Variants in GPC3 observed in about 807,000 individuals in gnomAD.
GPC3 encodes glypican-3.
Under a neutral mutation model 34.4 loss-of-function variants are expected in GPC3, and 3 were observed. The ratio of observed to expected loss-of-function variants is 0.09; its 90% CI spans 0.04 to 0.23. GPC3 has a LOEUF of 0.23. Among genes scored for constraint, GPC3 ranks in the 10% least tolerant of loss-of-function variants. The pLI, the probability that GPC3 is intolerant of heterozygous loss-of-function variation, is 1.00. For synonymous variants in GPC3, 177 were observed against 174.0 expected, an observed-to-expected ratio of 1.02 and a Z score of -0.13; for missense variants, 351 against 445.6, an observed-to-expected ratio of 0.79 and a Z score of 1.91.
At chrX:133,635,041 G>A (rs1449000012) in intron 6 of GPC3, among the ~76,000 whole-genome samples, 2 of 110,409 alleles carry the variant, frequency 1.8e-5, no homozygotes, top group African/African-American at 6.6e-5. Flanking sequence ...TCATGCCGTC[G>A]GCCAGGAAAC....
rs891893823 is a variant in GPC3 at position 133,822,202 on chromosome X, A to G, written c.338-68026T>C. Among the ~76,000 whole-genome samples, 5 of 112,322 alleles carry G rather than the reference A, an allele frequency of 4.5e-5. No individual in the cohort carries two copies. In the East Asian group the frequency reaches 1.4e-3, roughly 31 times the overall value. On this transcript the variant is annotated intron_variant, in intron 2 of 7. Transcript: ENST00000370818. ...GATACGAATCATTCCTTTGCCCAGC[A>G]TATCCACACTGTATATACTACTCAC...
chrX:133,642,358 G>A (rs2070489059), intron 6 of GPC3, among the ~76,000 whole-genome samples: 1 of 112,042 alleles, frequency 8.9e-6, no homozygotes, highest in South Asian at 3.7e-4. Context: ...ACAGGAAAAT[G>A]TCCAGAGAAG....
chrX:133,637,276 T>C (rs2070436950), intron 6 of GPC3, among the ~76,000 whole-genome samples: 1 of 110,601 alleles, frequency 9.0e-6, no homozygotes, highest in Non-Finnish European at 1.9e-5. Context: ...GGTACCAGCC[T>C]GGCCAACATG....
At chrX:133,880,151 C>A (rs2076035520) in intron 2 of GPC3, among the ~76,000 whole-genome samples, 1 of 111,944 alleles carries the variant, frequency 8.9e-6, no homozygotes, top group Non-Finnish European at 1.9e-5. Context: ...GGTAATCCAA[C>A]CCTCATGTGA....
Position 133,947,282 on chromosome X carries a change from G to A in GPC3, c.337+5768C>T, listed in dbSNP as rs1242909850. On this transcript the variant is annotated intron_variant, in intron 2 of 7. Coordinates refer to ENST00000370818, the MANE Select transcript of GPC3 (RefSeq NM_004484.4). ...GACAGCAAGAGGAGGTGAGTTCAGA[G>A]CCCTGTTAAATCAAGGGCATGAGTT... 2.7e-5 allele frequency among the ~76,000 whole-genome samples: 3 copies of A among 111,272 alleles called. No individual in the cohort carries two copies. The South Asian group carries it at 1.1e-3, about 42-fold the overall frequency.
intron 5 of GPC3, among the ~76,000 whole-genome samples, chrX:133,689,835 G>A (rs754576663): frequency 9.0e-6 from 1 of 111,703 alleles, no homozygotes; most frequent in Admixed American, 9.5e-5. Context: ...TTCATTTTTC[G>A]CTAAAGTAAC....
chrX:133,748,459 A>G (rs1275013081), intron 3 of GPC3, among the ~76,000 whole-genome samples: 1 of 111,742 alleles, frequency 8.9e-6, no homozygotes, highest in East Asian at 2.8e-4. Flanking sequence ...CCTAGTTTGT[A>G]TAGATATTTA....
At chrX:133,619,052 A>C (rs1232408094) in intron 6 of GPC3, among the ~76,000 whole-genome samples, 2 of 112,277 alleles carry the variant, frequency 1.8e-5, no homozygotes, top group African/African-American at 6.5e-5. Context: ...CATTTCTCCA[A>C]AGAAGATATA....
chrX:133,537,725 G>A (rs1053736283), intron 7 of GPC3, among the ~76,000 whole-genome samples: 6 of 111,853 alleles, frequency 5.4e-5, no homozygotes, highest in East Asian at 2.8e-4. Context: ...ACATCTCAAC[G>A]TTTCTTTAAT....
At chrX:133,538,478 G>T (rs180944402) in intron 7 of GPC3, among the ~76,000 whole-genome samples, 20 of 111,507 alleles carry the variant, frequency 1.8e-4, no homozygotes, top group South Asian at 7.6e-4. Context: ...CCAACATCAA[G>T]ATGAAACAAT....
At chrX:133,940,360 G>A (rs1298025728) in intron 2 of GPC3, among the ~76,000 whole-genome samples, 1 of 111,636 alleles carries the variant, frequency 9.0e-6, no homozygotes, top group Non-Finnish European at 1.9e-5. Context: ...AAGGGAGACC[G>A]TGTGGCTCAA....
chrX:133,876,887 A>T (rs1464750403), intron 2 of GPC3, among the ~76,000 whole-genome samples: 1 of 111,896 alleles, frequency 8.9e-6, no homozygotes, highest in South Asian at 3.7e-4. Flanking sequence ...CTTCCAAAAA[A>T]TGAGAGTCAA....
chrX:133,609,475 G>A (rs1014786096), intron 6 of GPC3, among the ~76,000 whole-genome samples: 9 of 112,424 alleles, frequency 8.0e-5, no homozygotes, highest in East Asian at 2.8e-4. Context: ...TTTGAGCCCT[G>A]CTTTTGGTAA....
chrX:133,827,868 C>T (rs2075755879), intron 2 of GPC3, among the ~76,000 whole-genome samples: 1 of 102,727 alleles, frequency 9.7e-6, no homozygotes, highest in Admixed American at 1.1e-4. Flanking sequence ...TCCCTTGAAC[C>T]CGGGAGGCGG....
chrX:133,648,614 C>A lies in GPC3; in HGVS notation c.1413+13116G>T. Among the ~76,000 whole-genome samples the A allele has an allele frequency of 2.7e-5, 3 of 111,904 alleles. 1 individual carries two copies. The Middle Eastern group carries it at 0.014, about 513-fold the overall frequency. Reference sequence around the variant, plus strand: ...CAAGCCCTTCATGGGCTCTGCACTGCCACAGAGTAAAGCTCAGATTCCTTA... The same window carrying A: ...CAAGCCCTTCATGGGCTCTGCACTGACACAGAGTAAAGCTCAGATTCCTTA... On this transcript the variant is annotated intron_variant, in intron 6 of 7. Transcript: ENST00000370818.
intron 2 of GPC3, among the ~76,000 whole-genome samples, chrX:133,831,903 T>C (rs2075777063): frequency 8.9e-6 from 1 of 112,462 alleles, no homozygotes; most frequent in Admixed American, 9.4e-5. Context: ...CATTTAATTT[T>C]CAGAATAATC....
intron 7 of GPC3, among the ~76,000 whole-genome samples, chrX:133,560,207 C>T (rs1380815309): frequency 9.0e-6 from 1 of 111,437 alleles, no homozygotes; most frequent in Non-Finnish European, 1.9e-5. Flanking sequence ...CAAATGAAAC[C>T]CTAAACCCTT....
chrX:133,726,141 T>C (rs1317566780), intron 3 of GPC3, among the ~76,000 whole-genome samples: 1 of 112,119 alleles, frequency 8.9e-6, no homozygotes, highest in African/African-American at 3.2e-5. Context: ...TCTAGGTTTC[T>C]GTAATATACA....
chrX:133,630,019 A>G (rs2070349279), intron 6 of GPC3, among the ~76,000 whole-genome samples: 1 of 110,225 alleles, frequency 9.1e-6, no homozygotes, highest in African/African-American at 3.3e-5. Flanking sequence ...GTGCCATTGC[A>G]CTCCAGCCTG....
Sources: gnomAD v4.1 joint callset for allele counts (sites outside exome capture counted in the v4.1 genomes callset) on GRCh38, gnomAD v4.1.1 for gene constraint, MANE v1.5 for transcripts, NCBI Gene and HGNC (gene_info 2026-07-23, HGNC 2026-07-21) for gene names.